Variants in PCDHA11 observed in about 807,000 individuals in gnomAD.
PCDHA11 encodes the protein protocadherin alpha 11, also known as protocadherin alpha-11.
PCDHA11 carries 61 observed loss-of-function variants against 70.3 expected under a neutral mutation model. The observed-to-expected ratio is 0.87, with a 90% CI of 0.71 to 1.07. The LOEUF (loss-of-function observed/expected upper bound fraction) is 1.07, where lower values mean the gene tolerates loss of function less well. Ranked by LOEUF, PCDHA11 falls within the 50% of genes least tolerant of loss-of-function variation. PCDHA11 has a pLI of 0.00. For synonymous variants in PCDHA11, 633 were observed against 555.1 expected, an observed-to-expected ratio of 1.14 and a Z score of -1.97; for missense variants, 1,324 against 1,237.5, an observed-to-expected ratio of 1.07 and a Z score of -1.05.
chr5:140,999,594 A>G (rs1279617761), intron 3 of PCDHA11, among the ~76,000 whole-genome samples: 25 of 152,186 alleles, frequency 1.6e-4, no homozygotes, highest in Admixed American at 1.4e-3. Flanking sequence ...TGCCTTCCCT[A>G]CATCCTGGGG....
At chr5:140,933,901 CAT>C (rs1354614736) in intron 1 of PCDHA11, among the ~76,000 whole-genome samples, 33 of 151,882 alleles carry the variant, frequency 2.2e-4, no homozygotes, top group African/African-American at 7.7e-4. Flanking sequence ...AATATTTTGG[CAT>C]AAAGTTGTTT....
chr5:140,907,109 C>T (rs6883830), intron 1 of PCDHA11, among the ~76,000 whole-genome samples: 5,598 of 152,160 alleles, frequency 0.037, 292 homozygotes, highest in African/African-American at 0.12. Flanking sequence ...CCACTTCCAC[C>T]CCTTGATTCC....
At chr5:140,901,761 A>G (rs1276192436) in intron 1 of PCDHA11, among the ~76,000 whole-genome samples, 1 of 152,124 alleles carries the variant, frequency 6.6e-6, no homozygotes, top group African/African-American at 2.4e-5. Flanking sequence ...TTTGACAGGG[A>G]TTGCATTGAA....
At chr5:140,956,650 GATGCTGGCCTTA>G (rs2095299191) in intron 1 of PCDHA11, among the ~76,000 whole-genome samples, 1 of 152,154 alleles carries the variant, frequency 6.6e-6, no homozygotes, top group Non-Finnish European at 1.5e-5. Context: ...GTATCAGGAT[GATGCTGGCCTTA>G]AAGGAGTTAG....
At chr5:140,898,410 C>T (rs1554187963) in intron 1 of PCDHA11, among the ~76,000 whole-genome samples, 4 of 152,212 alleles carry the variant, frequency 2.6e-5, no homozygotes. Flanking sequence ...CTACATACGG[C>T]TAGCCAGTTT....
At chr5:140,899,336 A>G (rs2067275819) in intron 1 of PCDHA11, among the ~76,000 whole-genome samples, 1 of 152,130 alleles carries the variant, frequency 6.6e-6, no homozygotes, top group Non-Finnish European at 1.5e-5. Context: ...TTTGTCATAG[A>G]TAGCTCTTAT....
rs74450843 is a variant in PCDHA11 at position 140,951,654 on chromosome 5, C to A, written c.2392-27295C>A. ...GCCCCATGATCTAATCACCTCCCAC[C>A]AGGGCCTGCCTACAAAATTGGGGAT... On this transcript the variant is annotated intron_variant, in intron 1 of 3. Coordinates refer to ENST00000398640, the MANE Select transcript of PCDHA11 (RefSeq NM_018902.5). 1.1e-4 allele frequency among the ~76,000 whole-genome samples: 16 copies of A among 152,248 alleles called. No homozygotes were observed. In the East Asian group the frequency reaches 3.1e-3, roughly 29 times the overall value.
chr5:141,004,982 A>G (rs1445212778), intron 3 of PCDHA11, among the ~76,000 whole-genome samples: 2 of 152,234 alleles, frequency 1.3e-5, no homozygotes, highest in African/African-American at 2.4e-5. Flanking sequence ...TTGCAGTATC[A>G]TTATCTTGGT....
intron 1 of PCDHA11, among the ~76,000 whole-genome samples, chr5:140,954,580 T>C (rs1193569920): frequency 1.3e-5 from 2 of 152,174 alleles, no homozygotes; most frequent in African/African-American, 4.8e-5. Flanking sequence ...TTTTCAGAAG[T>C]GTCTGTTCAT....
chr5:140,987,214 A>G (rs78124050), intron 3 of PCDHA11, among the ~76,000 whole-genome samples: 3 of 131,916 alleles, frequency 2.3e-5, no homozygotes, highest in Admixed American at 2.2e-4. Context: ...ACTCCATCTC[A>G]AAAAAAAAAA....
chr5:141,002,437 T>C (rs1238744621), intron 3 of PCDHA11, among the ~76,000 whole-genome samples: 1 of 152,186 alleles, frequency 6.6e-6, no homozygotes, highest in Non-Finnish European at 1.5e-5. Context: ...GCAATAACCA[T>C]AATAATTGGC....
intron 1 of PCDHA11, among the ~76,000 whole-genome samples, chr5:140,943,257 C>CAAA (rs1238620023): frequency 1.0e-4 from 8 of 76,640 alleles, no homozygotes; most frequent in Admixed American, 6.0e-4. Context: ...GACTCTGTCT[C>CAAA]AAAAAAAAAA....
At chr5:140,971,624 T>C (rs2153790714) in intron 1 of PCDHA11, among the ~76,000 whole-genome samples, 1 of 152,254 alleles carries the variant, frequency 6.6e-6, no homozygotes, top group East Asian at 1.9e-4. Flanking sequence ...TGGGGTACAA[T>C]TAGTACCATG....
chr5:140,876,477 G>A, intron 1 of PCDHA11: 1 of 1,614,034 alleles, frequency 6.2e-7, no homozygotes, highest in Non-Finnish European at 8.5e-7. Flanking sequence ...GTCACAGCAT[G>A]GTCCTGGTGG....
rs1417352469 is a variant in PCDHA11 at position 140,875,131 on chromosome 5, G to A, written c.2391+3637G>A. ...AATATCATGTATATTAACTAAACCC[G>A]CATTTATAAATGATCCGTGAAAAAT... On this transcript the variant is annotated intron_variant, in intron 1 of 3. Coordinates refer to ENST00000398640, the MANE Select transcript of PCDHA11 (RefSeq NM_018902.5). Among the ~76,000 whole-genome samples, 5 of 152,228 alleles carry A rather than the reference G, an allele frequency of 3.3e-5. No individual in the cohort carries two copies. The East Asian group carries it at 9.6e-4, about 29-fold the overall frequency.
intron 1 of PCDHA11, among the ~76,000 whole-genome samples, chr5:140,873,504 T>TTTTTTTTTTTTTTTTTTTTTTTGAG: frequency 6.6e-6 from 1 of 152,256 alleles, no homozygotes; most frequent in South Asian, 2.1e-4. Context: ...TTGTGTCTTT[T>TTTTTTTTTTTTTTTTTTTTTTTGAG]ATACTTAATG....
At chr5:141,000,993 C>A (rs1273666357) in intron 3 of PCDHA11, among the ~76,000 whole-genome samples, 1 of 151,964 alleles carries the variant, frequency 6.6e-6, no homozygotes, top group Non-Finnish European at 1.5e-5. Context: ...AATAAATATG[C>A]TTTAAATATG....
rs782733393 is a variant in PCDHA11 at position 140,875,889 on chromosome 5, G to A, written c.2391+4395G>A. The A allele has an allele frequency of 6.2e-6, 10 of 1,614,054 alleles. No homozygotes were observed. The South Asian group carries it at 8.8e-5, about 14-fold the overall frequency. On this transcript the variant is annotated intron_variant, in intron 1 of 3. Coordinates refer to ENST00000398640, the MANE Select transcript of PCDHA11 (RefSeq NM_018902.5). ...CGGTGTTCAGAGAAAGGGAACAAAA[G>A]GTACCTGTTTCTGAATCTGCGCCTC...
chr5:140,962,061 T>C (rs1554225775), intron 1 of PCDHA11, among the ~76,000 whole-genome samples: 2 of 151,824 alleles, frequency 1.3e-5, no homozygotes, highest in Non-Finnish European at 1.5e-5. Context: ...TTTTTTTGTA[T>C]TTTTTAGTAG....
Sources: allele counts gnomAD v4.1 joint callset (sites outside exome capture counted in the v4.1 genomes callset), GRCh38; gene constraint gnomAD v4.1.1; transcripts MANE v1.5; gene names NCBI Gene and HGNC (gene_info 2026-07-23, HGNC 2026-07-21).